The following TAS2R1 variants were observed in gnomAD, a reference collection of about 807,000 sequenced individuals.
The protein encoded by TAS2R1 is taste 2 receptor member 1.
For synonymous variants in TAS2R1, 141 were observed against 134.2 expected (o/e 1.05, Z -0.35); for missense variants, 370 against 353.4 (o/e 1.05, Z -0.38).
At chr5:9,786,904 A>G in the TAS2R1 span, among the ~76,000 whole-genome samples, 1 of 152,088 alleles carries the variant, frequency 6.6e-6, no homozygotes, top group Non-Finnish European at 1.5e-5. Flanking sequence ...AAGCCACATC[A>G]TTCTTCTCCT....
At chr5:9,869,773 C>T in the TAS2R1 span, among the ~76,000 whole-genome samples, 16 of 152,278 alleles carry the variant, frequency 1.1e-4, no homozygotes, top group East Asian at 3.1e-3. Context: ...TTTCTCTTTG[C>T]TAATTGTGGT....
chr5:9,663,465 T>C (rs1277882847), intron 1 of TAS2R1, among the ~76,000 whole-genome samples: 2 of 152,162 alleles, frequency 1.3e-5, no homozygotes, highest in Non-Finnish European at 2.9e-5. Context: ...GAGACGTAAA[T>C]TTTTTTCTTC....
intron 2 of TAS2R1, among the ~76,000 whole-genome samples, chr5:9,637,045 G>A (rs1435804308): frequency 6.6e-6 from 1 of 151,936 alleles, no homozygotes; most frequent in Non-Finnish European, 1.5e-5. Context: ...GCTTTAAGGA[G>A]ATTCCATTTT....
At chr5:9,785,282 G>C in the TAS2R1 span, among the ~76,000 whole-genome samples, 1 of 152,168 alleles carries the variant, frequency 6.6e-6, no homozygotes, top group Non-Finnish European at 1.5e-5. Flanking sequence ...ATCTTCAGGG[G>C]AGGTTTTTGT....
the TAS2R1 span, among the ~76,000 whole-genome samples, chr5:9,789,109 C>G: frequency 6.6e-6 from 1 of 152,126 alleles, no homozygotes; most frequent in African/African-American, 2.4e-5. Context: ...TGCCTACCCC[C>G]AAGTAACTTA....
At chr5:9,652,227 A>G (rs1374794689) in intron 2 of TAS2R1, among the ~76,000 whole-genome samples, 7 of 152,222 alleles carry the variant, frequency 4.6e-5, no homozygotes, top group African/African-American at 1.7e-4. Flanking sequence ...AAAGACGTTC[A>G]CCAAATACGC....
chr5:9,793,086 G>A, the TAS2R1 span, among the ~76,000 whole-genome samples: 1 of 152,172 alleles, frequency 6.6e-6, no homozygotes, highest in Non-Finnish European at 1.5e-5. Flanking sequence ...AGGTGATCAA[G>A]AGACTCTTCC....
chr5:9,842,316 C>CTTTTTTTTT, the TAS2R1 span, among the ~76,000 whole-genome samples: 15 of 116,224 alleles, frequency 1.3e-4, no homozygotes, highest in African/African-American at 3.4e-4. Flanking sequence ...TTCTTTCTCT[C>CTTTTTTTTT]TTTTTTTTTT....
At chr5:9,661,915 C>T (rs1341116767) in intron 1 of TAS2R1, among the ~76,000 whole-genome samples, 2 of 152,192 alleles carry the variant, frequency 1.3e-5, no homozygotes, top group Admixed American at 6.5e-5. Flanking sequence ...AGGTTTACTC[C>T]CTCCCAGTTC....
intron 1 of TAS2R1, among the ~76,000 whole-genome samples, chr5:9,691,561 T>C (rs757810592): frequency 6.6e-6 from 1 of 152,244 alleles, no homozygotes; most frequent in Admixed American, 6.5e-5. Context: ...CAGATGAGCA[T>C]GCCCTTATTT....
At chr5:9,751,275 C>T in the TAS2R1 span, among the ~76,000 whole-genome samples, 1 of 151,608 alleles carries the variant, frequency 6.6e-6, no homozygotes, top group African/African-American at 2.4e-5. Flanking sequence ...TATAACCCTC[C>T]CCCACCCCCA....
the TAS2R1 span, among the ~76,000 whole-genome samples, chr5:9,791,345 A>G: frequency 6.6e-6 from 1 of 152,164 alleles, no homozygotes; most frequent in Non-Finnish European, 1.5e-5. Context: ...AATGACAAGG[A>G]CAGATCAGGT....
the TAS2R1 span, among the ~76,000 whole-genome samples, chr5:9,865,834 T>C: frequency 6.6e-6 from 1 of 152,212 alleles, no homozygotes; most frequent in African/African-American, 2.4e-5. Context: ...AGGATCTCCT[T>C]TTGTGTTTGG....
At chr5:9,659,830 C>T (rs899330751) in intron 1 of TAS2R1, 1 of 151,950 alleles carries the variant, frequency 6.6e-6, no homozygotes, top group Non-Finnish European at 1.5e-5. Flanking sequence ...CATTCCCCAC[C>T]ACAGGAAAGT....
At chr5:9,900,858 C>T in the TAS2R1 span, among the ~76,000 whole-genome samples, 3 of 152,030 alleles carry the variant, frequency 2.0e-5, no homozygotes, top group Non-Finnish European at 2.9e-5. Flanking sequence ...CTCCTGACCT[C>T]GTGATCCGCC....
At chr5:9,702,631 T>C (rs951820872) in intron 1 of TAS2R1, among the ~76,000 whole-genome samples, 2 of 152,146 alleles carry the variant, frequency 1.3e-5, no homozygotes, top group Non-Finnish European at 2.9e-5. Context: ...GCAAATACGT[T>C]TGAGGTTGAC....
At chr5:9,898,265 A>C in the TAS2R1 span, among the ~76,000 whole-genome samples, 1 of 151,688 alleles carries the variant, frequency 6.6e-6, no homozygotes, top group Non-Finnish European at 1.5e-5. Flanking sequence ...CTGAGTAGGA[A>C]GTACAGAATT....
chr5:9,814,599 C>A, the TAS2R1 span, among the ~76,000 whole-genome samples: 11 of 152,234 alleles, frequency 7.2e-5, no homozygotes. Flanking sequence ...ATCCTACGTT[C>A]TTTCTTTATT....
At chr5:9,655,275 C>T (rs1740386534) in intron 2 of TAS2R1, among the ~76,000 whole-genome samples, 1 of 152,114 alleles carries the variant, frequency 6.6e-6, no homozygotes, top group Admixed American at 6.6e-5. Context: ...TCAGTACAAA[C>T]TTTATAAGTC....
Sources: allele counts gnomAD v4.1 joint callset (sites outside exome capture counted in the v4.1 genomes callset), GRCh38; gene constraint gnomAD v4.1.1; transcripts MANE v1.5; gene names NCBI Gene and HGNC (gene_info 2026-07-23, HGNC 2026-07-21).